Variants in CNTNAP4 observed in about 807,000 individuals in gnomAD.
The protein encoded by CNTNAP4 is contactin associated protein family member 4.
Under a neutral mutation model 148.4 loss-of-function variants are expected in CNTNAP4, and 98 were observed. That is an observed-to-expected ratio of 0.66 (90% CI 0.56 to 0.78). CNTNAP4 has a LOEUF of 0.78. Among genes scored for constraint, CNTNAP4 ranks in the 30% least tolerant of loss-of-function variants. The probability of loss-of-function intolerance (pLI) is 0.00; values close to 1 mark genes in which losing one functional copy is unlikely to be tolerated. For synonymous variants in CNTNAP4, 730 were observed against 565.1 expected (o/e 1.29, Z -4.14); for missense variants, 1,935 against 1,565.6 (o/e 1.24, Z -3.98).
At chr16:76,370,710 G>A (rs1041978328) in intron 3 of CNTNAP4, among the ~76,000 whole-genome samples, 4 of 152,152 alleles carry the variant, frequency 2.6e-5, no homozygotes, top group Admixed American at 6.5e-5. Context: ...TTGCCTCTAT[G>A]AGCTGCTTTT....
intron 3 of CNTNAP4, among the ~76,000 whole-genome samples, chr16:76,397,467 G>A (rs1255048941): frequency 1.3e-5 from 2 of 151,910 alleles, no homozygotes; most frequent in African/African-American, 2.4e-5. Flanking sequence ...GAAGGCATGC[G>A]ACAGAGGGAA....
intron 15 of CNTNAP4, among the ~76,000 whole-genome samples, chr16:76,519,598 C>A (rs371372342): frequency 6.6e-6 from 1 of 152,120 alleles, no homozygotes; most frequent in Non-Finnish European, 1.5e-5. Flanking sequence ...CAGCTAAGAA[C>A]TTCTAAGAAT....
intron 13 of CNTNAP4, among the ~76,000 whole-genome samples, chr16:76,494,318 GTA>G (rs1345624966): frequency 6.6e-5 from 10 of 152,070 alleles, no homozygotes; most frequent in Admixed American, 5.9e-4. Context: ...TGTTATTTCT[GTA>G]GTCTTCAAAT....
In CNTNAP4 at chr16:76,453,043, T is replaced by C. The variant is rs186570717; in HGVS notation, c.1333+274T>C. ...TGTCTCCCACTCCAGACAAAGAACA[T>C]ATCCTAAGGTGATGTGTTTTGGGGA... On this transcript the variant is annotated intron_variant, in intron 8 of 23. Coordinates refer to ENST00000611870, the MANE Select transcript of CNTNAP4 (RefSeq NM_033401.5). 2.0e-5 allele frequency among the ~76,000 whole-genome samples: 3 copies of C among 152,266 alleles called. No individual in the cohort carries two copies. In the East Asian group the frequency reaches 5.8e-4, roughly 29 times the overall value.
chr16:76,472,559 A>G (rs2081413594), intron 10 of CNTNAP4, among the ~76,000 whole-genome samples: 1 of 149,828 alleles, frequency 6.7e-6, no homozygotes, highest in African/African-American at 2.5e-5. Flanking sequence ...CTCCAGCTCC[A>G]TCTATGTTCC....
At chr16:76,495,150 C>A in intron 14 of CNTNAP4, 84 bp downstream of exon 14, 1 of 1,424,158 alleles carries the variant, frequency 7.0e-7, no homozygotes, top group Non-Finnish European at 9.8e-7. Flanking sequence ...TAGCCAGATA[C>A]TGAACAAGTT....
chr16:76,296,181 A>G (rs774266812), intron 1 of CNTNAP4, among the ~76,000 whole-genome samples: 3 of 152,198 alleles, frequency 2.0e-5, no homozygotes, highest in African/African-American at 4.8e-5. Flanking sequence ...TTCTAACATT[A>G]TGTATTGTTG....
intron 3 of CNTNAP4, among the ~76,000 whole-genome samples, chr16:76,376,042 CAAG>C (rs1004112476): frequency 1.4e-5 from 2 of 147,246 alleles, no homozygotes; most frequent in African/African-American, 5.0e-5. Context: ...CAAAAGGAGA[CAAG>C]AAGGAGCAGG....
At chr16:76,315,805 G>C (rs1246000859) in intron 1 of CNTNAP4, among the ~76,000 whole-genome samples, 1 of 151,906 alleles carries the variant, frequency 6.6e-6, no homozygotes, top group Non-Finnish European at 1.5e-5. Flanking sequence ...ATGTTGGCTA[G>C]GCTTGTCTTG....
At position 76,558,766 on chromosome 16, in the gene CNTNAP4, A is replaced by G; in HGVS notation, c.*83A>G. 9.5e-7 allele frequency: 1 copy of G among 1,054,668 alleles called. No homozygotes were observed. The highest frequency in any genetic ancestry group is 1.4e-6 in the Non-Finnish European group (1 of 734,354). The allele number at this position is 1,054,668 out of a possible 1,614,324, so 65.3% of individuals were successfully genotyped here. On this transcript the variant is annotated 3_prime_UTR_variant, in exon 24 of 24. Transcript: ENST00000611870. ...TCAATGGAAAAACGAATGCTCTTACACTGAATGTACAGGCAGTGGGCTTGC... is the reference window on the plus strand; with the variant it reads ...TCAATGGAAAAACGAATGCTCTTACGCTGAATGTACAGGCAGTGGGCTTGC...
intron 10 of CNTNAP4, among the ~76,000 whole-genome samples, chr16:76,475,064 G>A (rs2081517258): frequency 6.6e-6 from 1 of 152,082 alleles, no homozygotes; most frequent in African/African-American, 2.4e-5. Flanking sequence ...AGAGGCTAAG[G>A]CAGGAGAATA....
At chr16:76,374,579 C>A (rs952101303) in intron 3 of CNTNAP4, among the ~76,000 whole-genome samples, 1 of 151,922 alleles carries the variant, frequency 6.6e-6, no homozygotes, top group Non-Finnish European at 1.5e-5. Flanking sequence ...GTCTGTCCAG[C>A]CTTCTTGTTC....
chr16:76,311,078 C>T (rs1961052776), intron 1 of CNTNAP4, among the ~76,000 whole-genome samples: 8 of 151,952 alleles, frequency 5.3e-5, no homozygotes, highest in Admixed American at 4.6e-4. Context: ...GAACGTAGCA[C>T]CTAATAATAT....
rs148500395 is a variant in CNTNAP4, at chr16:76,337,409, G to T, written c.197-17909G>T. ...CAGGGGTGACATCACATATCGACAGGTTCTGTGATGCCTACCTGAGCTGCA... is the reference window on the plus strand; with the variant it reads ...CAGGGGTGACATCACATATCGACAGTTTCTGTGATGCCTACCTGAGCTGCA... On this transcript the variant is annotated intron_variant, in intron 2 of 23. Coordinates refer to ENST00000611870, the MANE Select transcript of CNTNAP4 (RefSeq NM_033401.5). 5.2e-3 allele frequency among the ~76,000 whole-genome samples: 798 copies of T among 152,254 alleles called. 6 individuals carry two copies. The highest frequency in any genetic ancestry group is 0.018 in the African/African-American group (756 of 41,552).
chr16:76,349,233 C>T (rs1433259990), intron 2 of CNTNAP4, among the ~76,000 whole-genome samples: 1 of 152,112 alleles, frequency 6.6e-6, no homozygotes, highest in South Asian at 2.1e-4. Context: ...TGTATCTTAT[C>T]TTCTCAGCAT....
chr16:76,489,864 A>G lies in CNTNAP4; in HGVS notation c.2061A>G (p.Ser687=). 8 of 1,561,128 alleles carry G rather than the reference A, an allele frequency of 5.1e-6. No homozygotes were observed. The highest frequency in any genetic ancestry group is 7.0e-6 in the Non-Finnish European group (8 of 1,145,550). ...AGTTTACTTATTACTGCAAGAAGTC[A>G]CGGCTGGTCAATAAGCAAGGTAAGT... ...EQEFTYYCKK[S]RLVNKQDGTP... Residue 687 remains serine, a synonymous_variant, in exon 13 of 24, where the codon TCA becomes TCG. Coordinates refer to ENST00000611870, the MANE Select transcript of CNTNAP4 (RefSeq NM_033401.5).
At chr16:76,441,288 A>G (rs891789676) in intron 4 of CNTNAP4, among the ~76,000 whole-genome samples, 4 of 152,150 alleles carry the variant, frequency 2.6e-5, no homozygotes, top group African/African-American at 9.7e-5. Flanking sequence ...CCATAAATAC[A>G]TGCTGCAGGA....
intron 10 of CNTNAP4, among the ~76,000 whole-genome samples, chr16:76,472,087 A>G (rs543907472): frequency 1.3e-5 from 2 of 152,244 alleles, no homozygotes; most frequent in South Asian, 2.1e-4. Context: ...AGCAATGGAA[A>G]GGATGGCAAT....
At chr16:76,411,415 T>A (rs978756831) in intron 3 of CNTNAP4, among the ~76,000 whole-genome samples, 2 of 151,406 alleles carry the variant, frequency 1.3e-5, no homozygotes, top group Non-Finnish European at 3.0e-5. Context: ...AATTTTATAA[T>A]GTCTGTAGTG....
Sources: allele counts gnomAD v4.1 joint callset (sites outside exome capture counted in the v4.1 genomes callset), GRCh38; gene constraint gnomAD v4.1.1; transcripts MANE v1.5; gene names NCBI Gene and HGNC (gene_info 2026-07-23, HGNC 2026-07-21).